The following SEPTIN4 variants were observed in gnomAD, a reference collection of about 807,000 sequenced individuals.
SEPTIN4 encodes the protein septin 4.
Under a neutral mutation model 107.1 loss-of-function variants are expected in SEPTIN4, and 52 were observed. The observed-to-expected ratio is 0.49, with a 90% confidence interval of 0.39 to 0.61. The LOEUF (loss-of-function observed/expected upper bound fraction) is 0.61, where lower values mean the gene tolerates loss of function less well. Ranked by LOEUF, SEPTIN4 falls within the 20% of genes least tolerant of loss-of-function variation. SEPTIN4 has a pLI of 0.00. For missense variants in SEPTIN4, 1,048 were observed against 1,243.5 expected (o/e 0.84, Z 2.36); for synonymous variants, 417 against 467.0 (o/e 0.89, Z 1.38).
intron 3 of SEPTIN4, chr17:58,529,009 C>T (rs1389202733): frequency 1.4e-6 from 2 of 1,386,668 alleles, no homozygotes; most frequent in Non-Finnish European, 2.0e-6. Flanking sequence ...ATCCCCACTC[C>T]CAGCTCTGCC....
intron 3 of SEPTIN4, chr17:58,532,090 G>A (rs2043524634): frequency 1.9e-6 from 2 of 1,078,114 alleles, no homozygotes; most frequent in Admixed American, 5.3e-5. Flanking sequence ...GCTGCGGGAG[G>A]GGCCCGGCGG....
rs2043248211 is a variant in SEPTIN4, at chr17:58,529,245, C to T, written c.1615-2267G>A. 6 of 1,613,526 alleles carry T rather than the reference C, an allele frequency of 3.7e-6. No individual in the cohort carries two copies. The East Asian group carries it at 6.7e-5, about 18-fold the overall frequency. On this transcript the variant is annotated intron_variant, in intron 3 of 13. Transcript: ENST00000672673. The stretch of plus-strand genomic sequence containing the variant: ...TATCTCCCAGGCAAAGTTCCTCACA[C>T]ACAGAAACAGCCTTGTTTTGATGCT...
At chr17:58,529,390 C>T in intron 3 of SEPTIN4, 1 of 1,429,248 alleles carries the variant, frequency 7.0e-7, no homozygotes, top group Non-Finnish European at 9.2e-7. Flanking sequence ...CTCCCCTTCC[C>T]TTGGCTCCCA....
chr17:58,523,403 G>A (rs940062949), intron 7 of SEPTIN4, among the ~76,000 whole-genome samples: 14 of 151,622 alleles, frequency 9.2e-5, no homozygotes, highest in African/African-American at 3.1e-4. Context: ...GGAAGGAGAG[G>A]GAAAGGAAAA....
At position 58,525,459 on chromosome 17, in the gene SEPTIN4, TG is replaced by T. The variant is rs1293719419; in HGVS notation, c.2092+235del. The stretch of plus-strand genomic sequence containing the variant: ...TTTTTTCTTGGATTCCTGGAATCCT[TG>T]GGGGTCAGAGACTCATTCAGAGAGC... On this transcript the variant is annotated intron_variant, in intron 6 of 13. Transcript: ENST00000672673. The T allele has an allele frequency of 4.9e-6, 3 of 610,518 alleles. No individual in the cohort carries two copies. In the African/African-American group the frequency reaches 5.6e-5, roughly 11 times the overall value. The allele number at this position is 610,518 out of a possible 1,614,324, so 37.8% of individuals were successfully genotyped here.
In SEPTIN4 at chr17:58,538,639, A is replaced by T. The variant is rs117600421; in HGVS notation, c.1614+2027T>A. Among the ~76,000 whole-genome samples, 2,468 of 152,166 alleles carry T rather than the reference A, an allele frequency of 0.016. 21 individuals carry two copies. The highest frequency in any genetic ancestry group is 0.023 in the Non-Finnish European group (1,565 of 67,988). ...AGCTTTTGCTAGTTCTGATCCCCAA[A>T]AAAAACCCATCAGGAATGCTTCCCT... On this transcript the variant is annotated intron_variant, in intron 3 of 13. Transcript: ENST00000672673. This position sits in a 1 kb window ranked among gnomAD's most constrained non-coding sequence, Gnocchi z 4.7.
chr17:58,525,688 T>C lies in SEPTIN4; in HGVS notation c.2092+7A>G. 6.2e-7 allele frequency: 1 copy of C among 1,612,772 alleles called. No individual in the cohort carries two copies. Among genetic ancestry groups the C allele is most frequent in the Non-Finnish European group, 8.5e-7 (1 of 1,178,806 alleles). On this transcript the variant is annotated splice_region_variant and intron_variant, in intron 6 of 13. Transcript: ENST00000672673. ...AAGTCTGCCTGATTGTCCTCTCCTT[T>C]CCTTACCTTCAGCACCAAGAAGTTT...
At position 58,538,174 on chromosome 17, in the gene SEPTIN4, C is replaced by T. The variant is rs1406388934; in HGVS notation, c.1614+2492G>A. Among the ~76,000 whole-genome samples the T allele has an allele frequency of 6.6e-6, 1 of 152,218 alleles. No individual in the cohort carries two copies. The highest frequency in any genetic ancestry group is 1.5e-5 in the Non-Finnish European group (1 of 68,038). ...CATGAATGTGGAAACTCCCTGAGTT[C>T]CTCAGAGGCTTTGGATTTCGCTTTG... On this transcript the variant is annotated intron_variant, in intron 3 of 13. Coordinates refer to ENST00000672673, the MANE Select transcript of SEPTIN4 (RefSeq NM_001368771.2). The surrounding 1 kb of genome is among the most constrained non-coding windows in gnomAD (Gnocchi z 4.7).
At chr17:58,529,616 C>T (rs559084642) in intron 3 of SEPTIN4, among the ~76,000 whole-genome samples, 1 of 152,252 alleles carries the variant, frequency 6.6e-6, no homozygotes, top group Admixed American at 6.5e-5. Flanking sequence ...ATGAGCTATC[C>T]CCAAGTGACC....
rs1598238283 is a variant in SEPTIN4, at chr17:58,520,313, A to T, written c.*113T>A. On this transcript the variant is annotated 3_prime_UTR_variant, in exon 14 of 14. Transcript: ENST00000672673. ...CTGAGTCTCTGGGCAGTCAGCAGGG[A>T]TGTAAGGCGAAGTGGCAGTAGCTGA... The T allele has an allele frequency of 1.1e-6, 1 of 900,024 alleles. No individual in the cohort carries two copies. Among genetic ancestry groups the T allele is most frequent in the Non-Finnish European group, 1.8e-6 (1 of 565,112 alleles). The allele number at this position is 900,024 out of a possible 1,614,324, so 55.8% of individuals were successfully genotyped here. A position where few individuals can be genotyped will look rare whatever the true frequency, so the allele number is the denominator to read the frequency against.
intron 2 of SEPTIN4, 147 bp downstream of exon 2, chr17:58,541,775 T>A: frequency 6.3e-7 from 1 of 1,591,230 alleles, no homozygotes; most frequent in African/African-American, 1.3e-5. Flanking sequence ...TTCAGCAAGA[T>A]GAGAAGTTCC....
chr17:58,526,511 C>T (rs2042892652), intron 4 of SEPTIN4, 171 bp downstream of exon 4: 2 of 1,396,584 alleles, frequency 1.4e-6, no homozygotes, highest in Non-Finnish European at 9.3e-7. Flanking sequence ...CCCTTGGGGG[C>T]AGATATCTTG....
chr17:58,544,306 A>G lies in SEPTIN4; in HGVS notation c.-120T>C, dbSNP rs2043970561. ...AGCTGCTGTTTCTTGGGCTCCCACAAAAGTGGCTGTTGTTCTAAGAGTGTC... is the reference window on the plus strand; with the variant it reads ...AGCTGCTGTTTCTTGGGCTCCCACAGAAGTGGCTGTTGTTCTAAGAGTGTC... On this transcript the variant is annotated 5_prime_UTR_variant, in exon 1 of 14. Transcript: ENST00000672673. 1 of 1,362,054 alleles carries G rather than the reference A, an allele frequency of 7.3e-7. No homozygotes were observed. Among genetic ancestry groups the G allele is most frequent in the Non-Finnish European group, 9.9e-7 (1 of 1,008,110 alleles). 84.4% of individuals were successfully genotyped at this position (1,362,054 alleles called of 1,614,324 possible).
In SEPTIN4 at chr17:58,529,260, G is replaced by C. The variant is rs1012614729; in HGVS notation, c.1615-2282C>G. 5.6e-6 allele frequency: 9 copies of C among 1,610,924 alleles called. No individual in the cohort carries two copies. The African/African-American group carries it at 9.4e-5, about 17-fold the overall frequency. ...GTTCCTCACACACAGAAACAGCCTT[G>C]TTTTGATGCTGTTGTTGTCTGGCTT... On this transcript the variant is annotated intron_variant, in intron 3 of 13. Coordinates refer to ENST00000672673, the MANE Select transcript of SEPTIN4 (RefSeq NM_001368771.2).
Position 58,521,178 on chromosome 17 carries a change from G to C in SEPTIN4, c.2669-18C>G. 6.2e-7 allele frequency: 1 copy of C among 1,614,194 alleles called. No homozygotes were observed. Among genetic ancestry groups the C allele is most frequent in the South Asian group, 1.1e-5 (1 of 91,086 alleles). On this transcript the variant is annotated intron_variant, in intron 11 of 13. Transcript: ENST00000672673. This position sits in a 1 kb window ranked among gnomAD's most constrained non-coding sequence, Gnocchi z 6.4. ...GTTTTCCACTGCATAGCAAGGCTAG[G>C]GGTCAGCCAGAGGCATAGGTAGGGG... is the stretch of plus-strand genomic sequence containing the variant.
In SEPTIN4 at chr17:58,543,981, C is replaced by T. The variant is rs1249029265; in HGVS notation, c.206G>A (p.Arg69Gln). 8 of 1,613,810 alleles carry T rather than the reference C, an allele frequency of 5.0e-6. No homozygotes were observed. Among genetic ancestry groups the T allele is most frequent in the Non-Finnish European group, 5.9e-6 (7 of 1,179,868 alleles). Residue 69 changes from arginine to glutamine, a missense_variant, in exon 1 of 14, where the codon CGA becomes CAA. By Grantham distance (43) the Arg-to-Gln change is conservative (BLOSUM62 1). This residue lies in a region of SEPTIN4 where 787 missense variants were observed against 871.8 expected (regional missense o/e 0.90). Coordinates refer to ENST00000672673, the MANE Select transcript of SEPTIN4 (RefSeq NM_001368771.2). ...TTPHSASDYP[R>Q]SVSLQSGPGH... ...AGGTCCTGACTGGAGGGAGACAGAT[C>T]GAGGGTAGTCTGATGCTGAATGGGG...
chr17:58,539,074 C>T, intron 3 of SEPTIN4: 1 of 1,368,108 alleles, frequency 7.3e-7, no homozygotes, highest in African/African-American at 1.5e-5. Context: ...CTCTCTCATG[C>T]ATTAGAGAGC....
chr17:58,526,197 A>C, intron 5 of SEPTIN4, 23 bp downstream of exon 5: 2 of 1,567,476 alleles, frequency 1.3e-6, no homozygotes, highest in Non-Finnish European at 1.7e-6. Context: ...ACCCTGCCCA[A>C]CCCAGCCCTG....
intron 13 of SEPTIN4, 85 bp from the exon 14 acceptor site, chr17:58,520,570 G>A (rs2042151715): frequency 1.3e-6 from 2 of 1,566,586 alleles, no homozygotes; most frequent in South Asian, 2.2e-5. Flanking sequence ...AATCCCTTAA[G>A]CCAGAACCTT....
Sources: allele counts gnomAD v4.1 joint callset (sites outside exome capture counted in the v4.1 genomes callset), GRCh38; gene constraint gnomAD v4.1.1; regional missense constraint gnomAD v4.1.1; non-coding constraint Gnocchi (gnomAD v3.1); transcripts MANE v1.5; gene names NCBI Gene and HGNC (gene_info 2026-07-23, HGNC 2026-07-21).